The following LUZP2 variants were observed in gnomAD, a reference collection of about 807,000 sequenced individuals.
LUZP2 encodes the protein leucine zipper protein 2.
A neutral mutation model predicts 51.6 loss-of-function variants in LUZP2; 52 were observed. That is an observed-to-expected ratio of 1.01 (90% confidence interval 0.81 to 1.27). The LOEUF is 1.27. Among genes scored for constraint, LUZP2 ranks in the 50% most tolerant of loss-of-function variants. LUZP2 has a pLI of 0.00. For missense variants in LUZP2, 436 were observed against 395.4 expected, an observed-to-expected ratio of 1.10 and a Z score of -0.87; for synonymous variants, 154 against 137.3, an observed-to-expected ratio of 1.12 and a Z score of -0.85.
At chr11:24,828,411 T>A (rs1272192515) in intron 5 of LUZP2, among the ~76,000 whole-genome samples, 1 of 152,128 alleles carries the variant, frequency 6.6e-6, no homozygotes, top group Admixed American at 6.6e-5. Context: ...TTACTACCCA[T>A]TGAACATGCA....
chr11:25,049,985 T>C, intron 9 of LUZP2, 53 bp from the exon 10 acceptor site: 2 of 1,023,754 alleles, frequency 2.0e-6, no homozygotes, highest in South Asian at 3.5e-5. Context: ...TTCAAACTAT[T>C]TCTCTTGTAT....
intron 7 of LUZP2, among the ~76,000 whole-genome samples, chr11:24,938,608 T>C (rs1854657279): frequency 6.6e-6 from 1 of 152,128 alleles, no homozygotes; most frequent in African/African-American, 2.4e-5. Context: ...GAAACTATGT[T>C]AACTCAATGT....
chr11:24,741,998 T>C (rs1859190523), intron 4 of LUZP2, among the ~76,000 whole-genome samples: 1 of 134,272 alleles, frequency 7.4e-6, no homozygotes, highest in Non-Finnish European at 1.6e-5. Context: ...TATAAATGTA[T>C]ATATTATATA....
rs1335821617 is a variant in LUZP2, at chr11:24,764,489, CTAAAA to C, written c.396+1182_396+1186del. Among the ~76,000 whole-genome samples, 4 of 56,420 alleles carry C rather than the reference CTAAAA, an allele frequency of 7.1e-5. 1 individual carries two copies. The East Asian group carries it at 1.8e-3, about 26-fold the overall frequency. The allele number at this position is 56,420 out of a possible 152,430, so 37.0% of individuals were successfully genotyped here. ...TGGACAACATGGTAAAATCTCATCTCTAAAAAAAAAAAAAAAAAAAAAAAAAATTA... is the reference window on the plus strand; with the variant it reads ...TGGACAACATGGTAAAATCTCATCTCAAAAAAAAAAAAAAAAAAAAAATTA... On this transcript the variant is annotated intron_variant, in intron 5 of 11. Coordinates refer to ENST00000336930, the MANE Select transcript of LUZP2 (RefSeq NM_001009909.4).
In LUZP2 at chr11:24,914,520, G is replaced by T. The variant is rs1372889411; in HGVS notation, c.504G>T (p.Lys168Asn). The change falls in exon 7 of 12, where the codon AAG (lysine) becomes AAT (asparagine). Residue 168 changes from lysine (K) to asparagine (N), a missense_variant. Lys to Asn is a moderately conservative substitution (Grantham distance 94, BLOSUM62 0). Coordinates refer to ENST00000336930, the MANE Select transcript of LUZP2 (RefSeq NM_001009909.4). ...QAQLKELRYGKKDLLFKAQQL... is the reference protein window; with the variant it reads ...QAQLKELRYGNKDLLFKAQQL... ...AGCTGAAGGAGCTTCGTTATGGGAA[G>T]AAGGATTTATTATTTAAGGTGAGTC... 3 of 1,608,728 alleles carry T rather than the reference G, an allele frequency of 1.9e-6. No homozygotes were observed. The highest frequency in any genetic ancestry group is 3.4e-5 in the Admixed American group (2 of 58,756).
At chr11:24,522,929 C>T (rs542073936) in intron 1 of LUZP2, among the ~76,000 whole-genome samples, 2 of 152,148 alleles carry the variant, frequency 1.3e-5, no homozygotes, top group Middle Eastern at 3.4e-3. Context: ...ACACAAACTA[C>T]CCCAAACTTC....
chr11:24,523,005 C>T (rs940524009), intron 1 of LUZP2, among the ~76,000 whole-genome samples: 9 of 152,100 alleles, frequency 5.9e-5, no homozygotes, highest in Non-Finnish European at 1.3e-4. Context: ...TTAAATTTCT[C>T]TCCATGAATT....
intron 5 of LUZP2, among the ~76,000 whole-genome samples, chr11:24,847,273 T>C (rs117682994): frequency 0.015 from 2,228 of 152,220 alleles, 26 homozygotes; most frequent in Middle Eastern, 0.041. Context: ...ATTTTTTTCC[T>C]TTCTGCTTCA....
At chr11:25,013,514 ATGTT>A (rs1228140887) in intron 9 of LUZP2, among the ~76,000 whole-genome samples, 7 of 152,128 alleles carry the variant, frequency 4.6e-5, no homozygotes, top group African/African-American at 1.7e-4. Flanking sequence ...AATAGATAAA[ATGTT>A]TGATCTCTTG....
intron 5 of LUZP2, among the ~76,000 whole-genome samples, chr11:24,789,427 T>C (rs1345782449): frequency 6.6e-6 from 1 of 152,182 alleles, no homozygotes; most frequent in Non-Finnish European, 1.5e-5. Flanking sequence ...ATAGTTTCTC[T>C]TTACTCCCTA....
In LUZP2 at chr11:25,050,291, C is replaced by CTTTTTTTTT. The variant is rs71044331; in HGVS notation, c.858+181_858+189dup. On this transcript the variant is annotated intron_variant, in intron 10 of 11. Coordinates refer to ENST00000336930, the MANE Select transcript of LUZP2 (RefSeq NM_001009909.4). ...TAAGAAAGTAAATGTTCTTTATGTT[C>CTTTTTTTTT]TTTTTTTTTTTTTTTTTTTTTTTTT... Among the ~76,000 whole-genome samples the CTTTTTTTTT allele has an allele frequency of 5.3e-3, 412 of 77,206 alleles. 18 individuals carry two copies. The highest frequency in any genetic ancestry group is 6.3e-3 in the East Asian group (16 of 2,520). 50.7% of individuals were successfully genotyped at this position (77,206 alleles called of 152,430 possible). A position where few individuals can be genotyped will look rare whatever the true frequency, so the allele number is the denominator to read the frequency against.
rs573054043 is a variant in LUZP2, at chr11:24,522,176, C to T, written c.62+24871C>T. ...CAACTTGTTGTCCCTGATGCTTTCA[C>T]AGTAGGACTCATCTTCTTTGTGTCT... On this transcript the variant is annotated intron_variant, in intron 1 of 11. Coordinates refer to ENST00000336930, the MANE Select transcript of LUZP2 (RefSeq NM_001009909.4). Among the ~76,000 whole-genome samples the T allele has an allele frequency of 2.0e-5, 3 of 152,264 alleles. No individual in the cohort carries two copies. In the East Asian group the frequency reaches 5.8e-4, roughly 29 times the overall value.
chr11:24,614,948 G>T (rs1213780903), intron 1 of LUZP2, among the ~76,000 whole-genome samples: 2 of 151,842 alleles, frequency 1.3e-5, no homozygotes, highest in Non-Finnish European at 2.9e-5. Context: ...TCTAACTAGA[G>T]ATTTATATGT....
In LUZP2 at chr11:24,977,725, C is replaced by G. The variant is rs1565183408; in HGVS notation, c.597+1060C>G. Reference sequence around the variant, plus strand: ...AATATATGTATGTTGCACATATGCCCATAATATGTATGTATATATACACTA... The same window carrying G: ...AATATATGTATGTTGCACATATGCCGATAATATGTATGTATATATACACTA... On this transcript the variant is annotated intron_variant, in intron 8 of 11. Transcript: ENST00000336930. Among the ~76,000 whole-genome samples, 8 of 151,184 alleles carry G rather than the reference C, an allele frequency of 5.3e-5. No homozygotes were observed. In the South Asian group the frequency reaches 1.5e-3, roughly 28 times the overall value.
At chr11:24,654,249 T>C (rs1424705646) in intron 1 of LUZP2, among the ~76,000 whole-genome samples, 1 of 152,164 alleles carries the variant, frequency 6.6e-6, no homozygotes, top group African/African-American at 2.4e-5. Context: ...CAATAAAATA[T>C]CCCTAATATT....
intron 5 of LUZP2, among the ~76,000 whole-genome samples, chr11:24,828,610 A>AT (rs200156560): frequency 0.018 from 2,736 of 150,710 alleles, 59 homozygotes; most frequent in East Asian, 0.13. Context: ...TGTTCAGTGG[A>AT]TTTTTTTTAA....
chr11:24,570,652 G>A (rs1852404636), intron 1 of LUZP2, among the ~76,000 whole-genome samples: 1 of 151,932 alleles, frequency 6.6e-6, no homozygotes. Context: ...TTAAGAAATG[G>A]TACAGAAACT....
chr11:24,553,537 T>C (rs139077667), intron 1 of LUZP2, among the ~76,000 whole-genome samples: 3 of 152,088 alleles, frequency 2.0e-5, no homozygotes, highest in African/African-American at 7.2e-5. Flanking sequence ...ATATATATAA[T>C]ACACATTGGC....
At chr11:24,595,515 G>T (rs543847096) in intron 1 of LUZP2, among the ~76,000 whole-genome samples, 105 of 152,240 alleles carry the variant, frequency 6.9e-4, no homozygotes, top group African/African-American at 2.5e-3. Flanking sequence ...CTGCTGGATG[G>T]TATGTGAACA....
Sources: gnomAD v4.1 joint callset for allele counts (sites outside exome capture counted in the v4.1 genomes callset) on GRCh38, gnomAD v4.1.1 for gene constraint, MANE v1.5 for transcripts, NCBI Gene and HGNC (gene_info 2026-07-23, HGNC 2026-07-21) for gene names.